The following GBF1 variants were observed in gnomAD, a reference collection of about 807,000 sequenced individuals.
GBF1 encodes Golgi-specific brefeldin A-resistance guanine nucleotide exchange factor 1.
Under a neutral mutation model 210.5 loss-of-function variants are expected in GBF1, and 114 were observed. The observed-to-expected ratio is 0.54, with a 90% CI of 0.47 to 0.63. The LOEUF (loss-of-function observed/expected upper bound fraction) is 0.63. GBF1 is among the 30% of genes least tolerant of loss of function. The pLI is 0.00. For synonymous variants in GBF1, 850 were observed against 889.2 expected (o/e 0.96, Z 0.78); for missense variants, 1,851 against 2,357.7 (o/e 0.79, Z 4.45).
intron 33 of GBF1, among the ~76,000 whole-genome samples, chr10:102,378,098 G>C (rs1173640775): frequency 2.0e-5 from 3 of 151,646 alleles, no homozygotes; most frequent in African/African-American, 7.3e-5. Flanking sequence ...GGCGCCTGTA[G>C]TCCCAGCTAC....
intron 14 of GBF1, 49 bp downstream of exon 14, chr10:102,361,961 A>T: frequency 8.7e-7 from 1 of 1,145,098 alleles, no homozygotes; most frequent in Admixed American, 2.5e-5. Context: ...TTATAAAGGA[A>T]ATCTCCCTGG....
intron 4 of GBF1, among the ~76,000 whole-genome samples, chr10:102,346,693 A>G (rs2058597958): frequency 6.6e-6 from 1 of 152,146 alleles, no homozygotes; most frequent in Non-Finnish European, 1.5e-5. Flanking sequence ...CTTTTAGTAG[A>G]AGTGGAGTTT....
chr10:102,237,887 G>A, the GBF1 span, among the ~76,000 whole-genome samples: 12 of 149,870 alleles, frequency 8.0e-5, no homozygotes, highest in Admixed American at 6.6e-4. Context: ...CTCCTCCCCC[G>A]CCCACCCCAC....
intron 3 of GBF1, among the ~76,000 whole-genome samples, chr10:102,336,605 C>T (rs1250667855): frequency 6.6e-6 from 1 of 151,950 alleles, no homozygotes; most frequent in African/African-American, 2.4e-5. Flanking sequence ...AAATTAGAGA[C>T]CCAGAACACT....
intron 3 of GBF1, among the ~76,000 whole-genome samples, chr10:102,318,054 G>T (rs1297499993): frequency 6.6e-6 from 1 of 151,928 alleles, no homozygotes; most frequent in Non-Finnish European, 1.5e-5. Context: ...GACTACAGGC[G>T]CCTGCCACCA....
chr10:102,307,921 A>G (rs1356171684), intron 3 of GBF1, among the ~76,000 whole-genome samples: 2 of 152,232 alleles, frequency 1.3e-5, no homozygotes, highest in Non-Finnish European at 2.9e-5. Flanking sequence ...CAACTTCATT[A>G]GTCATTAGGG....
chr10:102,367,876 TG>T (rs1002964636), intron 21 of GBF1, among the ~76,000 whole-genome samples: 1 of 152,226 alleles, frequency 6.6e-6, no homozygotes, highest in Admixed American at 6.5e-5. Flanking sequence ...GAACCCAAGA[TG>T]GGCACTGGAG....
chr10:102,330,096 A>G (rs1233104518), intron 3 of GBF1, among the ~76,000 whole-genome samples: 1 of 151,990 alleles, frequency 6.6e-6, no homozygotes, highest in African/African-American at 2.4e-5. Flanking sequence ...TAATTGCACC[A>G]TGGTACTCCA....
intron 1 of GBF1, among the ~76,000 whole-genome samples, chr10:102,257,539 C>A (rs2072582000): frequency 6.7e-6 from 1 of 149,698 alleles, no homozygotes; most frequent in Non-Finnish European, 1.5e-5. Flanking sequence ...GGTCTCAACT[C>A]CTGGGCTGAA....
intron 8 of GBF1, among the ~76,000 whole-genome samples, chr10:102,355,330 A>G (rs754595942): frequency 2.6e-4 from 39 of 152,162 alleles, no homozygotes; most frequent in Non-Finnish European, 4.1e-4. Context: ...GCACAGTCTC[A>G]AGCTGCAGCT....
chr10:102,380,077 A>T (rs183263128), intron 36 of GBF1, 123 bp downstream of exon 36: 458 of 748,708 alleles, frequency 6.1e-4, no homozygotes, highest in Non-Finnish European at 9.4e-4. Flanking sequence ...CCAGCTATGG[A>T]CACTAAGCAG....
At chr10:102,271,863 C>T (rs1301362137) in intron 3 of GBF1, among the ~76,000 whole-genome samples, 1 of 151,780 alleles carries the variant, frequency 6.6e-6, no homozygotes, top group African/African-American at 2.4e-5. Context: ...GTGATCCTCC[C>T]ACCTCAGCCT....
At position 102,379,853 on chromosome 10, in the gene GBF1, G is replaced by T; in HGVS notation, c.4777G>T (p.Val1593Leu). The change falls in exon 36 of 40, where the codon GTG (valine) becomes TTG (leucine). Residue 1593 changes from valine (V) to leucine (L), a missense_variant and splice_region_variant. By Grantham distance (32) the Val-to-Leu change is conservative (BLOSUM62 1). Transcript: ENST00000369983. ...GACATTGCACATTTACCCCCACCAG[G>T]TGCTGTTTCCTCTACTTACCAAGCT... ...ALEWESCFNK[V>L]LFPLLTKLLE... The T allele has an allele frequency of 2.5e-6, 4 of 1,609,750 alleles. No individual in the cohort carries two copies. The highest frequency in any genetic ancestry group is 3.4e-6 in the Non-Finnish European group (4 of 1,176,238).
At position 102,379,560 on chromosome 10, in the gene GBF1, G is replaced by A. The variant is rs369641842; in HGVS notation, c.4685G>A (p.Arg1562Gln). The A allele has an allele frequency of 1.0e-4, 163 of 1,614,132 alleles. No individual in the cohort carries two copies. Among genetic ancestry groups the A allele is most frequent in the Admixed American group, 6.8e-4 (41 of 60,014 alleles). The part of the protein sequence containing the change: ...CLCCDARRQV[R>Q]MQALTYLQRA... ...TGCTGCGATGCCCGGCGCCAGGTACGGATGCAGGCACTGACCTATCTGCAG... is the reference window on the plus strand; with the variant it reads ...TGCTGCGATGCCCGGCGCCAGGTACAGATGCAGGCACTGACCTATCTGCAG... Residue 1562 changes from arginine (R) to glutamine (Q), a missense_variant, in exon 35 of 40, where the codon CGG becomes CAG. Arg to Gln is a conservative substitution (Grantham distance 43). Transcript: ENST00000369983.
intron 39 of GBF1, among the ~76,000 whole-genome samples, chr10:102,381,739 C>T (rs1409735975): frequency 7.0e-6 from 1 of 143,832 alleles, no homozygotes; most frequent in South Asian, 2.3e-4. Context: ...GTGGAAGGAT[C>T]GCTTGAACCC....
chr10:102,265,802 T>A (rs1214721135), intron 3 of GBF1, among the ~76,000 whole-genome samples: 1 of 152,112 alleles, frequency 6.6e-6, no homozygotes, highest in African/African-American at 2.4e-5. Flanking sequence ...TGAGGAAGAC[T>A]TCTTAGGGTG....
At chr10:102,338,271 CCTT>C (rs1485607083) in intron 3 of GBF1, among the ~76,000 whole-genome samples, 9 of 135,310 alleles carry the variant, frequency 6.7e-5, no homozygotes, top group African/African-American at 2.3e-4. Flanking sequence ...GACAGAGTCT[CCTT>C]CTGTCACCCA....
intron 3 of GBF1, among the ~76,000 whole-genome samples, chr10:102,317,241 G>A (rs1475331019): frequency 6.6e-6 from 1 of 152,006 alleles, no homozygotes; most frequent in Non-Finnish European, 1.5e-5. Flanking sequence ...GTCTAGCCTG[G>A]GCAACATAGT....
At chr10:102,371,642 C>A (rs568331143) in intron 29 of GBF1, among the ~76,000 whole-genome samples, 1 of 152,294 alleles carries the variant, frequency 6.6e-6, no homozygotes, top group East Asian at 1.9e-4. Flanking sequence ...GAATCACTCT[C>A]TCTGGGCCGG....
Sources: gnomAD v4.1 joint callset for allele counts (sites outside exome capture counted in the v4.1 genomes callset) on GRCh38, gnomAD v4.1.1 for gene constraint, MANE v1.5 for transcripts, NCBI Gene and HGNC (gene_info 2026-07-23, HGNC 2026-07-21) for gene names.